The following LAMA3 variants were observed in gnomAD, a reference collection of about 807,000 sequenced individuals.
LAMA3 encodes laminin subunit alpha-3.
In LAMA3, 281 loss-of-function variants were observed where a neutral mutation model predicts 402.0. The observed-to-expected ratio is 0.70, with a 90% CI of 0.63 to 0.77. LAMA3 has a LOEUF of 0.77. Ranked by LOEUF, LAMA3 falls within the 30% of genes least tolerant of loss-of-function variation. The pLI, the probability that LAMA3 is intolerant of heterozygous loss-of-function variation, is 0.00. For missense variants in LAMA3, 3,840 were observed against 4,215.5 expected (o/e 0.91, Z 2.47); for synonymous variants, 1,431 against 1,558.4 (o/e 0.92, Z 1.93).
At chr18:23,950,477 A>G (rs1445732918) in intron 72 of LAMA3, among the ~76,000 whole-genome samples, 1 of 152,186 alleles carries the variant, frequency 6.6e-6, no homozygotes, top group Non-Finnish European at 1.5e-5. Flanking sequence ...TTATAACTTA[A>G]GGCTTTTGTC....
intron 14 of LAMA3, among the ~76,000 whole-genome samples, chr18:23,813,593 G>T (rs1156232910): frequency 7.0e-6 from 1 of 143,634 alleles, no homozygotes; most frequent in Non-Finnish European, 1.5e-5. Flanking sequence ...GCCCAGGCCG[G>T]AGTGCAGTGC....
At chr18:23,922,047 T>G (rs1309916298) in intron 62 of LAMA3, among the ~76,000 whole-genome samples, 2 of 152,246 alleles carry the variant, frequency 1.3e-5, no homozygotes, top group Non-Finnish European at 2.9e-5. Context: ...GCTCCTTACA[T>G]GCTATCGAGC....
intron 11 of LAMA3, among the ~76,000 whole-genome samples, chr18:23,778,640 C>A (rs149350353): frequency 6.6e-6 from 1 of 152,280 alleles, no homozygotes; most frequent in South Asian, 2.1e-4. Flanking sequence ...GCACAGCACA[C>A]GCACACAGCC....
chr18:23,806,840 T>C (rs1451711852), intron 12 of LAMA3, among the ~76,000 whole-genome samples: 1 of 152,208 alleles, frequency 6.6e-6, no homozygotes, highest in Non-Finnish European at 1.5e-5. Flanking sequence ...AACTTTCAGG[T>C]CATTTATGCT....
At chr18:23,778,641 G>A (rs766143834) in intron 11 of LAMA3, among the ~76,000 whole-genome samples, 18 of 152,152 alleles carry the variant, frequency 1.2e-4, no homozygotes, top group Non-Finnish European at 2.5e-4. Flanking sequence ...CACAGCACAC[G>A]CACACAGCCC....
At chr18:23,703,379 T>A (rs2145856880) in intron 1 of LAMA3, among the ~76,000 whole-genome samples, 1 of 152,364 alleles carries the variant, frequency 6.6e-6, no homozygotes, top group South Asian at 2.1e-4. Context: ...TCTACATAAT[T>A]CAACTAACGT....
chr18:23,811,932 G>A (rs1003067665), intron 13 of LAMA3, among the ~76,000 whole-genome samples: 8 of 151,742 alleles, frequency 5.3e-5, no homozygotes, highest in Admixed American at 1.3e-4. Context: ...GGAGTGCAGC[G>A]GCATGATCTC....
At position 23,907,951 on chromosome 18, in the gene LAMA3, T is replaced by C; in HGVS notation, c.7015+16T>C. The C allele has an allele frequency of 1.9e-6, 3 of 1,609,566 alleles. No individual in the cohort carries two copies. Among genetic ancestry groups the C allele is most frequent in the African/African-American group, 1.3e-5 (1 of 74,990 alleles). ...GATAACTCGGGTATCAGGCGATCTCTGGCCAGGACATCTTAGCCATTCTCT... is the reference window on the plus strand; with the variant it reads ...GATAACTCGGGTATCAGGCGATCTCCGGCCAGGACATCTTAGCCATTCTCT... On this transcript the variant is annotated intron_variant, in intron 54 of 74. Coordinates refer to ENST00000313654, the MANE Select transcript of LAMA3 (RefSeq NM_198129.4).
chr18:23,824,403 G>C lies in LAMA3; in HGVS notation c.2429-20G>C. On this transcript the variant is annotated intron_variant, in intron 20 of 74. Coordinates refer to ENST00000313654, the MANE Select transcript of LAMA3 (RefSeq NM_198129.4). ...GACTGATAGAAAAATGCCTTAAGCAGTTCTTTGTATTTCTGATAGGTGCTG... is the reference window on the plus strand; with the variant it reads ...GACTGATAGAAAAATGCCTTAAGCACTTCTTTGTATTTCTGATAGGTGCTG... 1.2e-6 allele frequency: 2 copies of C among 1,613,716 alleles called. No individual in the cohort carries two copies. Among genetic ancestry groups the C allele is most frequent in the Non-Finnish European group, 1.7e-6 (2 of 1,179,712 alleles).
rs367844923 is a variant in LAMA3 at position 23,748,060 on chromosome 18, C to T, written c.565C>T (p.His189Tyr). 14 of 1,515,254 alleles carry T rather than the reference C, an allele frequency of 9.2e-6. No homozygotes were observed. The highest frequency in any genetic ancestry group is 1.7e-5 in the Admixed American group (1 of 59,868). 93.9% of individuals were successfully genotyped at this position (1,515,254 alleles called of 1,614,324 possible). ...CTACTCACCATGGCAATATTTTGCT[C>T]GTAAGTAATCTTGCCTACCATGTTA... The part of the protein sequence containing the change: ...STYSPWQYFA[H>Y]SKVDCLKEFG... The change falls in exon 3 of 75, where the codon CAT (histidine) becomes TAT (tyrosine). Residue 189 changes from histidine (H) to tyrosine (Y), a missense_variant and splice_region_variant. His to Tyr is a moderately conservative substitution (Grantham distance 83, BLOSUM62 2). Coordinates refer to ENST00000313654, the MANE Select transcript of LAMA3 (RefSeq NM_198129.4).
chr18:23,945,918 C>T (rs529688086), intron 69 of LAMA3, among the ~76,000 whole-genome samples: 15 of 152,008 alleles, frequency 9.9e-5, no homozygotes, highest in Non-Finnish European at 2.2e-4. Flanking sequence ...TTCTAAGCAA[C>T]CTTTTTTTTT....
chr18:23,783,188 G>A (rs2062471248), intron 11 of LAMA3, among the ~76,000 whole-genome samples: 1 of 152,078 alleles, frequency 6.6e-6, no homozygotes, highest in Non-Finnish European at 1.5e-5. Context: ...ATTCCTGGAG[G>A]GCAAGAATGG....
chr18:23,954,586 C>T lies in LAMA3; in HGVS notation c.9940C>T (p.Pro3314Ser). ...TATTCATGTCAATCACATCCCTGTC[C>T]CTGTCACTGAAGCCTTGGAAGTCCA... The part of the protein sequence containing the change: ...RNIHVNHIPV[P>S]VTEALEVQGP... The change falls in exon 75 of 75, where the codon CCT becomes TCT. Residue 3314 changes from proline (P) to serine (S), a missense_variant. Physicochemically the swap from Pro to Ser is moderately conservative, Grantham distance 74. Transcript: ENST00000313654. 7 of 1,613,794 alleles carry T rather than the reference C, an allele frequency of 4.3e-6. No homozygotes were observed. Among genetic ancestry groups the T allele is most frequent in the Non-Finnish European group, 5.9e-6 (7 of 1,179,864 alleles).
chr18:23,717,542 C>CTTTTTTTTT (rs138974380), intron 2 of LAMA3, among the ~76,000 whole-genome samples: 2 of 64,908 alleles, frequency 3.1e-5, no homozygotes, highest in Non-Finnish European at 2.8e-5. Flanking sequence ...TGGACTTGAT[C>CTTTTTTTTT]TTTTTTTTTT....
chr18:23,840,377 C>CTTTT lies in LAMA3; in HGVS notation c.3336+451_3336+452insTTTT, dbSNP rs201657216. On this transcript the variant is annotated intron_variant, in intron 27 of 74. Transcript: ENST00000313654. ...ATAGTTATTGTAGCCAAGAACCTTT[C>CTTTT]TTTCTTTTTTTTTTTTTTTTTTTGA... Among the ~76,000 whole-genome samples, 263 of 79,364 alleles carry CTTTT rather than the reference C, an allele frequency of 3.3e-3. 26 individuals carry two copies. The highest frequency in any genetic ancestry group is 4.9e-3 in the African/African-American group (84 of 17,240). The allele number at this position is 79,364 out of a possible 152,430, so 52.1% of individuals were successfully genotyped here. A position where few individuals can be genotyped will look rare whatever the true frequency, so the allele number is the denominator to read the frequency against.
At chr18:23,914,297 C>A in intron 56 of LAMA3, 113 bp from the exon 57 acceptor site, 1 of 1,067,528 alleles carries the variant, frequency 9.4e-7, no homozygotes, top group Non-Finnish European at 1.4e-6. Context: ...TCTGTCTCTC[C>A]AAGGCTTATT....
intron 44 of LAMA3, among the ~76,000 whole-genome samples, chr18:23,896,967 C>G (rs2080896394): frequency 1.3e-5 from 2 of 151,882 alleles, no homozygotes; most frequent in Non-Finnish European, 2.9e-5. Flanking sequence ...GAAAGACACC[C>G]AACAGAAGCA....
At chr18:23,765,444 G>A (rs1315196344) in intron 8 of LAMA3, among the ~76,000 whole-genome samples, 1 of 152,140 alleles carries the variant, frequency 6.6e-6, no homozygotes, top group East Asian at 1.9e-4. Context: ...GTCAGAATGT[G>A]CAGCTTGAGT....
Position 23,854,997 on chromosome 18 carries a change from TAAA to T in LAMA3, c.4137-2843_4137-2841del, listed in dbSNP as rs1351954600. On this transcript the variant is annotated intron_variant, in intron 32 of 74. Coordinates refer to ENST00000313654, the MANE Select transcript of LAMA3 (RefSeq NM_198129.4). ...AGACTCCGTCTCAAAAATAAATAAA[TAAA>T]AAATAAAAAAATTTAAAAAAATAAA... Among the ~76,000 whole-genome samples, 49 of 112,404 alleles carry T rather than the reference TAAA, an allele frequency of 4.4e-4. 1 individual carries two copies. The highest frequency in any genetic ancestry group is 2.3e-3 in the South Asian group (9 of 3,920). 73.7% of individuals were successfully genotyped at this position (112,404 alleles called of 152,430 possible).
Sources: allele counts gnomAD v4.1 joint callset (sites outside exome capture counted in the v4.1 genomes callset), GRCh38; gene constraint gnomAD v4.1.1; transcripts MANE v1.5; gene names NCBI Gene and HGNC (gene_info 2026-07-23, HGNC 2026-07-21).